GNAO1: variants seen among roughly 807,000 people sequenced by gnomAD.
The protein encoded by GNAO1 is G protein subunit alpha o1, also known as guanine nucleotide-binding protein G(o) subunit alpha.
For missense variants in GNAO1, 166 were observed against 478.7 expected (o/e 0.35, Z 6.10); for synonymous variants, 164 against 180.7 (o/e 0.91, Z 0.74).
At chr16:56,340,521 T>C (rs561480171) in intron 6 of GNAO1, 10 of 359,278 alleles carry the variant, frequency 2.8e-5, no homozygotes, top group Non-Finnish European at 5.2e-5. Flanking sequence ...GTGCATGTCC[T>C]CTCCGTGAGC....
chr16:56,210,589 C>T (rs142733488), intron 2 of GNAO1, among the ~76,000 whole-genome samples: 142 of 152,274 alleles, frequency 9.3e-4, no homozygotes, highest in African/African-American at 3.3e-3. Flanking sequence ...TGGTGTTGTC[C>T]GTTTTTGGAT....
At chr16:56,253,334 G>C (rs930477836) in intron 2 of GNAO1, among the ~76,000 whole-genome samples, 6 of 152,192 alleles carry the variant, frequency 3.9e-5, no homozygotes, top group African/African-American at 7.2e-5. Flanking sequence ...GGAGTCAGAA[G>C]ACCTGGGTTG....
intron 4 of GNAO1, among the ~76,000 whole-genome samples, chr16:56,332,467 A>G (rs2037698904): frequency 6.6e-6 from 1 of 151,696 alleles, no homozygotes; most frequent in Admixed American, 6.6e-5. Flanking sequence ...CTCCCCCATC[A>G]CTAATAGCCT....
At chr16:56,296,846 TC>T (rs1234251134) in intron 3 of GNAO1, among the ~76,000 whole-genome samples, 2 of 152,150 alleles carry the variant, frequency 1.3e-5, no homozygotes, top group Non-Finnish European at 2.9e-5. Flanking sequence ...CCAAGTTCCT[TC>T]CCTAGCAATA....
At chr16:56,211,453 C>G (rs1444649857) in intron 2 of GNAO1, among the ~76,000 whole-genome samples, 2 of 152,150 alleles carry the variant, frequency 1.3e-5, no homozygotes, top group Admixed American at 1.3e-4. Context: ...GGTCCCCTCC[C>G]AGCCCAGCTC....
chr16:56,307,061 G>C (rs2037404016), intron 3 of GNAO1: 1 of 152,290 alleles, frequency 6.6e-6, no homozygotes, highest in Non-Finnish European at 1.5e-5. Flanking sequence ...CTTGGGGGCA[G>C]TCACTGGACA....
chr16:56,197,741 A>G (rs1298578947), intron 2 of GNAO1, among the ~76,000 whole-genome samples: 2 of 152,236 alleles, frequency 1.3e-5, no homozygotes, highest in East Asian at 3.8e-4. Flanking sequence ...CTTTTAACAC[A>G]TGGAACTCGC....
At chr16:56,279,484 TG>T (rs1336419175) in intron 3 of GNAO1, among the ~76,000 whole-genome samples, 1 of 152,194 alleles carries the variant, frequency 6.6e-6, no homozygotes, top group Non-Finnish European at 1.5e-5. Context: ...CTCACTCCTC[TG>T]GGCCTTCGCT....
intron 3 of GNAO1, among the ~76,000 whole-genome samples, chr16:56,278,702 C>G (rs945368376): frequency 1.3e-5 from 2 of 152,096 alleles, no homozygotes; most frequent in African/African-American, 4.8e-5. Context: ...GCAAGGAAAA[C>G]AAAATAAGGT....
chr16:56,223,070 TA>T (rs1188211787), intron 2 of GNAO1, among the ~76,000 whole-genome samples: 2 of 152,190 alleles, frequency 1.3e-5, no homozygotes, highest in Non-Finnish European at 2.9e-5. Flanking sequence ...TTTAAAACAA[TA>T]AGATGTATTG....
intron 2 of GNAO1, among the ~76,000 whole-genome samples, chr16:56,232,876 T>G (rs1231312789): frequency 6.6e-6 from 1 of 152,228 alleles, no homozygotes; most frequent in African/African-American, 2.4e-5. Context: ...CTTCTTTATA[T>G]CCTTGTGATT....
intron 2 of GNAO1, among the ~76,000 whole-genome samples, chr16:56,266,582 G>T (rs1017048218): frequency 6.6e-6 from 1 of 152,222 alleles, no homozygotes; most frequent in South Asian, 2.1e-4. Flanking sequence ...AGGGCCCGTG[G>T]CTTGGGAAAC....
At chr16:56,340,964 C>G in intron 6 of GNAO1, 1 of 1,614,002 alleles carries the variant, frequency 6.2e-7, no homozygotes, top group East Asian at 2.2e-5. Context: ...TCCCCGCTCA[C>G]CATCTGCTTT....
intron 2 of GNAO1, among the ~76,000 whole-genome samples, chr16:56,252,636 G>A (rs775325394): frequency 1.3e-5 from 2 of 152,200 alleles, no homozygotes; most frequent in African/African-American, 2.4e-5. Flanking sequence ...CCAGCACGAC[G>A]TCTGGCACAG....
chr16:56,264,127 G>A (rs1356000524), intron 2 of GNAO1, among the ~76,000 whole-genome samples: 3 of 152,250 alleles, frequency 2.0e-5, no homozygotes, highest in Non-Finnish European at 4.4e-5. Context: ...GGCCAGGGCC[G>A]ATGATGCAGG....
intron 4 of GNAO1, among the ~76,000 whole-genome samples, chr16:56,330,990 C>A (rs1465057218): frequency 6.6e-6 from 1 of 152,224 alleles, no homozygotes; most frequent in Non-Finnish European, 1.5e-5. Context: ...GGGCCTGGCA[C>A]ATTTCCTGTC....
chr16:56,347,646 C>G (rs2037884591), intron 6 of GNAO1: 3 of 985,644 alleles, frequency 3.0e-6, no homozygotes, highest in Non-Finnish European at 3.6e-6. Flanking sequence ...AACAGAAGCT[C>G]TCATCCCCAG....
chr16:56,301,533 G>A (rs75755709), intron 3 of GNAO1, among the ~76,000 whole-genome samples: 5,953 of 152,302 alleles, frequency 0.039, 131 homozygotes, highest in South Asian at 0.08. Context: ...CCCTCTAAGC[G>A]CTTACCACAG....
intron 6 of GNAO1, chr16:56,344,801 G>C: frequency 1.0e-6 from 1 of 985,456 alleles, no homozygotes; most frequent in Non-Finnish European, 1.2e-6. Context: ...GGTGTGAATA[G>C]ATATGTTTTT....
Sources: gnomAD v4.1 joint callset for allele counts (sites outside exome capture counted in the v4.1 genomes callset) on GRCh38, gnomAD v4.1.1 for gene constraint, MANE v1.5 for transcripts, NCBI Gene and HGNC (gene_info 2026-07-23, HGNC 2026-07-21) for gene names.